The following ADAM2 variants were observed in gnomAD, a reference collection of about 807,000 sequenced individuals.
ADAM2 encodes the protein ADAM metallopeptidase domain 2.
ADAM2 carries 101 observed loss-of-function variants against 99.3 expected under a neutral mutation model. The ratio of observed to expected loss-of-function variants is 1.02; its 90% CI spans 0.87 to 1.20. ADAM2 has a LOEUF of 1.20. Ranked by LOEUF, ADAM2 falls within the 50% of genes most tolerant of loss-of-function variation. ADAM2 has a pLI of 0.00. For synonymous variants in ADAM2, 323 were observed against 287.6 expected, an observed-to-expected ratio of 1.12 and a Z score of -1.25; for missense variants, 948 against 878.7, an observed-to-expected ratio of 1.08 and a Z score of -1.00.
intron 3 of ADAM2, among the ~76,000 whole-genome samples, chr8:39,826,425 AT>A (rs756050217): frequency 1.1e-4 from 16 of 152,246 alleles, no homozygotes; most frequent in Middle Eastern, 3.4e-3. Context: ...CACACACCAT[AT>A]TAAAAAAGCA....
chr8:39,744,882 C>T lies in ADAM2; in HGVS notation c.2186G>A (p.Ser729Asn). The T allele has an allele frequency of 1.2e-6, 2 of 1,603,028 alleles. No individual in the cohort carries two copies. The highest frequency in any genetic ancestry group is 1.7e-6 in the Non-Finnish European group (2 of 1,174,390). Residue 729 changes from serine to asparagine, a missense_variant, in exon 20 of 21, where the codon AGT becomes AAT. Physicochemically the swap from Ser to Asn is conservative, Grantham distance 46 (BLOSUM62 1). Coordinates refer to ENST00000265708, the MANE Select transcript of ADAM2 (RefSeq NM_001464.5). ...EDYSSDEQPE[S>N]ESEPKG ...AGACTACCCTTTAGGTTCACTCTCA[C>T]TTTCAGGTTGCCTGCATATTAAAAA...
At chr8:39,756,990 T>C (rs1408542734) in intron 15 of ADAM2, among the ~76,000 whole-genome samples, 1 of 152,246 alleles carries the variant, frequency 6.6e-6, no homozygotes, top group African/African-American at 2.4e-5. Context: ...ATTGCTTCTT[T>C]AGCAATTACA....
chr8:39,756,033 G>A (rs1277123442), intron 15 of ADAM2, 122 bp from the exon 16 acceptor site: 13 of 512,004 alleles, frequency 2.5e-5, no homozygotes, highest in African/African-American at 4.0e-5. Flanking sequence ...CATGCAATTC[G>A]TTTTAAAACA....
At chr8:39,745,024 A>G in intron 19 of ADAM2, 131 bp from the exon 20 acceptor site, 1 of 635,578 alleles carries the variant, frequency 1.6e-6, no homozygotes, top group East Asian at 2.8e-5. Flanking sequence ...ATTTGAGAAT[A>G]CCCTATCACT....
At chr8:39,757,679 C>G (rs1339579432) in intron 15 of ADAM2, among the ~76,000 whole-genome samples, 1 of 152,118 alleles carries the variant, frequency 6.6e-6, no homozygotes, top group East Asian at 1.9e-4. Flanking sequence ...AGCTCCTGCT[C>G]AGAGACAGGT....
chr8:39,801,254 T>C (rs1448239945), intron 7 of ADAM2, among the ~76,000 whole-genome samples: 1 of 152,218 alleles, frequency 6.6e-6, no homozygotes, highest in East Asian at 1.9e-4. Flanking sequence ...TGTTTTTCTT[T>C]CAATAGTCAG....
Position 39,767,056 on chromosome 8 carries a change from G to C in ADAM2, c.1312-13C>G, listed in dbSNP as rs777483067. The C allele has an allele frequency of 2.5e-6, 4 of 1,610,684 alleles. No individual in the cohort carries two copies. In the Admixed American group the frequency reaches 5.0e-5, roughly 20 times the overall value. ...CTTTTGACATAAACTGATGGGATGA[G>C]GTAAATGATATTGAATTAAGCAGAA... On this transcript the variant is annotated splice_polypyrimidine_tract_variant and intron_variant, in intron 13 of 20. Transcript: ENST00000265708.
intron 10 of ADAM2, among the ~76,000 whole-genome samples, chr8:39,778,467 T>A (rs1451864315): frequency 1.3e-5 from 2 of 152,146 alleles, no homozygotes; most frequent in African/African-American, 4.8e-5. Flanking sequence ...TGATGGGACA[T>A]CTACCTTCTG....
At chr8:39,797,172 A>T (rs1803997302) in intron 7 of ADAM2, among the ~76,000 whole-genome samples, 1 of 152,126 alleles carries the variant, frequency 6.6e-6, no homozygotes, top group African/African-American at 2.4e-5. Context: ...TAGGGTGTTT[A>T]TGGATTTGGG....
chr8:39,787,709 C>T (rs954634923), intron 9 of ADAM2, among the ~76,000 whole-genome samples: 1 of 151,462 alleles, frequency 6.6e-6, no homozygotes. Flanking sequence ...GTTTCAATTA[C>T]TTTGCTTACT....
At chr8:39,787,971 G>T (rs1368388163) in intron 9 of ADAM2, 114 bp downstream of exon 9, 8 of 583,352 alleles carry the variant, frequency 1.4e-5, no homozygotes, top group Non-Finnish European at 1.9e-5. Context: ...TTTACATGGC[G>T]TGTGTGAGAA....
In ADAM2 at chr8:39,788,706, G is replaced by T; in HGVS notation, c.605C>A (p.Ala202Asp). 6.3e-7 allele frequency: 1 copy of T among 1,580,054 alleles called. No homozygotes were observed. Among genetic ancestry groups the T allele is most frequent in the Non-Finnish European group, 8.6e-7 (1 of 1,160,532 alleles). ...TCCAATCAACTGGAAAACTTTTTGA[G>T]CGACAACAGTTGTATCAGACCCCAT... The part of the protein sequence containing the change: ...NHMGSDTTVV[A>D]QKVFQLIGLT... The change falls in exon 8 of 21, where the codon GCT (alanine) becomes GAT (aspartate). Residue 202 changes from alanine (A) to aspartate (D), a missense_variant. Physicochemically the swap from Ala to Asp is moderately radical, Grantham distance 126 (BLOSUM62 -2). Transcript: ENST00000265708.
At position 39,810,773 on chromosome 8, in the gene ADAM2, A is replaced by G. The variant is rs1323771862; in HGVS notation, c.514-1307T>C. 2.0e-5 allele frequency among the ~76,000 whole-genome samples: 3 copies of G among 152,218 alleles called. No individual in the cohort carries two copies. The East Asian group carries it at 5.8e-4, about 29-fold the overall frequency. On this transcript the variant is annotated intron_variant, in intron 6 of 20. Coordinates refer to ENST00000265708, the MANE Select transcript of ADAM2 (RefSeq NM_001464.5). Reference sequence around the variant, plus strand: ...CACAACATACCAGAATCTCTGGGACACATTTAAAGCAGTGTGTAGAGGGAA... The same window carrying G: ...CACAACATACCAGAATCTCTGGGACGCATTTAAAGCAGTGTGTAGAGGGAA...
intron 7 of ADAM2, among the ~76,000 whole-genome samples, chr8:39,801,069 G>A (rs1804187889): frequency 1.3e-5 from 2 of 152,096 alleles, no homozygotes; most frequent in Admixed American, 6.5e-5. Flanking sequence ...GAGAGACACT[G>A]CAATCATTTG....
At chr8:39,762,863 C>T (rs916151782) in intron 14 of ADAM2, among the ~76,000 whole-genome samples, 1 of 152,134 alleles carries the variant, frequency 6.6e-6, no homozygotes, top group Non-Finnish European at 1.5e-5. Context: ...TATCTATATA[C>T]CTATATCTAT....
At chr8:39,781,971 C>G (rs1284330131) in intron 10 of ADAM2, among the ~76,000 whole-genome samples, 1 of 152,136 alleles carries the variant, frequency 6.6e-6, no homozygotes, top group African/African-American at 2.4e-5. Flanking sequence ...TGGAGGAAAA[C>G]TAACCTTTTA....
intron 16 of ADAM2, among the ~76,000 whole-genome samples, chr8:39,753,190 G>A (rs1464520460): frequency 6.6e-6 from 1 of 152,174 alleles, no homozygotes; most frequent in Non-Finnish European, 1.5e-5. Context: ...ATGAAGTCCA[G>A]GCTTAGATGG....
At chr8:39,748,711 C>A (rs1234413473) in intron 18 of ADAM2, among the ~76,000 whole-genome samples, 1 of 152,102 alleles carries the variant, frequency 6.6e-6, no homozygotes, top group Non-Finnish European at 1.5e-5. Context: ...GTCTTCCAGT[C>A]AGTTTTGATC....
Position 39,837,193 on chromosome 8 carries a change from C to T in ADAM2, c.75G>A (p.Val25=). 6.2e-7 allele frequency: 1 copy of T among 1,608,986 alleles called. No individual in the cohort carries two copies. The highest frequency in any genetic ancestry group is 1.1e-5 in the South Asian group (1 of 90,098). The change falls in exon 2 of 21, where the codon GTG becomes GTA. Residue 25 remains valine, a synonymous_variant. Coordinates refer to ENST00000265708, the MANE Select transcript of ADAM2 (RefSeq NM_001464.5). The part of the protein sequence containing the change: ...RMDSNFDSLP[V]QITVPEKIRS... ...GTATTTTCTCCGGAACTGTAATTTG[C>T]ACAGGTAAACTATCAAAATCTGCAA...
Sources: allele counts gnomAD v4.1 joint callset (sites outside exome capture counted in the v4.1 genomes callset), GRCh38; gene constraint gnomAD v4.1.1; transcripts MANE v1.5; gene names NCBI Gene and HGNC (gene_info 2026-07-23, HGNC 2026-07-21).